FLNC: variants seen among roughly 807,000 people sequenced by gnomAD.
FLNC encodes the protein filamin C.
FLNC carries 91 observed loss-of-function variants against 254.3 expected under a neutral mutation model. The observed-to-expected ratio is 0.36, with a 90% confidence interval of 0.30 to 0.43. The LOEUF is 0.43. Ranked by LOEUF, FLNC falls within the 20% of genes least tolerant of loss-of-function variation. The pLI is 1.00. For synonymous variants in FLNC, 1,430 were observed against 1,577.2 expected (o/e 0.91, Z 2.21); for missense variants, 2,853 against 3,802.6 (o/e 0.75, Z 6.57).
At position 128,846,105 on chromosome 7, in the gene FLNC, C is replaced by T; in HGVS notation, c.3906C>T (p.Thr1302=). The stretch of plus-strand genomic sequence containing the variant: ...ACCCCTCGGGGGCCAAGACAGACAC[C>T]TATGTGACAGACAATGGGGACGGCA... ...VLNPSGAKTD[T]YVTDNGDGTY... Residue 1302 remains threonine, a synonymous_variant, in exon 22 of 48, where the codon ACC becomes ACT. Transcript: ENST00000325888. 6.2e-7 allele frequency: 1 copy of T among 1,613,998 alleles called. No individual in the cohort carries two copies. The highest frequency in any genetic ancestry group is 8.5e-7 in the Non-Finnish European group (1 of 1,180,004).
chr7:128,840,123 C>T lies in FLNC; in HGVS notation c.1512C>T (p.Ala504=), dbSNP rs768868050. Reference sequence around the variant, plus strand: ...ACTTCAAGGTGTTTACCAAGGGTGCCGGCAGCGGGGAGCTCAAGGTCACGG... The same window carrying T: ...ACTTCAAGGTGTTTACCAAGGGTGCTGGCAGCGGGGAGCTCAAGGTCACGG... ...VADFKVFTKG[A]GSGELKVTVK... Residue 504 remains alanine (A), a synonymous_variant, in exon 9 of 48, where the codon GCC becomes GCT. Transcript: ENST00000325888. The T allele has an allele frequency of 8.7e-6, 14 of 1,613,950 alleles. No individual in the cohort carries two copies. The highest frequency in any genetic ancestry group is 1.2e-5 in the Non-Finnish European group (14 of 1,180,034).
At position 128,840,581 on chromosome 7, in the gene FLNC, C is replaced by T; in HGVS notation, c.1583C>T (p.Ala528Val). The T allele has an allele frequency of 6.2e-7, 1 of 1,614,202 alleles. No homozygotes were observed. Among genetic ancestry groups the T allele is most frequent in the Non-Finnish European group, 8.5e-7 (1 of 1,180,032 alleles). Residue 528 changes from alanine (A) to valine (V), a missense_variant, in exon 10 of 48, where the codon GCT (alanine) becomes GTT (valine). This residue lies in a region of FLNC where 1,573 missense variants were observed against 1,883.5 expected (regional missense o/e 0.84). Coordinates refer to ENST00000325888, the MANE Select transcript of FLNC (RefSeq NM_001458.5). Reference sequence around the variant, plus strand: ...GAGGAGCCAGTGAAGGTGCGGGAGGCTGGGGATGGTGTGTTCGAGTGCGAG... The same window carrying T: ...GAGGAGCCAGTGAAGGTGCGGGAGGTTGGGGATGGTGTGTTCGAGTGCGAG... ...GTEEPVKVRE[A>V]GDGVFECEYY... is the part of the protein sequence containing the mutation.
chr7:128,844,550 C>CA (rs1325263039), intron 20 of FLNC, 108 bp from the exon 21 acceptor site: 1 of 1,095,786 alleles, frequency 9.1e-7, no homozygotes, highest in African/African-American at 1.5e-5. Context: ...TATAAGCACT[C>CA]AGTCCACAGT....
In FLNC at chr7:128,840,046, G is replaced by A. The variant is rs772697482; in HGVS notation, c.1435G>A (p.Ala479Thr). 1.9e-5 allele frequency: 31 copies of A among 1,613,830 alleles called. No individual in the cohort carries two copies. Among genetic ancestry groups the A allele is most frequent in the South Asian group, 1.5e-4 (14 of 91,088 alleles). ...SEACNPNACR[A>T]SGRGLQPKGV... ...AGCCTGTAACCCCAACGCCTGCCGC[G>A]CCTCTGGGCGAGGCCTGCAGCCCAA... Residue 479 changes from alanine (A) to threonine (T), a missense_variant, in exon 9 of 48, where the codon GCC becomes ACC. Ala to Thr is a moderately conservative substitution (Grantham distance 58). Transcript: ENST00000325888.
chr7:128,837,214 G>A lies in FLNC; in HGVS notation c.656G>A (p.Arg219Gln), dbSNP rs570928058. The change falls in exon 3 of 48, where the codon CGG becomes CAG. Residue 219 changes from arginine to glutamine, a missense_variant. This residue lies in a region of FLNC where 115 missense variants were observed against 230.3 expected (regional missense o/e 0.50). Coordinates refer to ENST00000325888, the MANE Select transcript of FLNC (RefSeq NM_001458.5). ...CCCAACCAGCCCGTGGAGAACGCCCGGGAGGCCATGCAGCAGGCCGACGAC... is the reference window on the plus strand; with the variant it reads ...CCCAACCAGCCCGTGGAGAACGCCCAGGAGGCCATGCAGCAGGCCGACGAC... ...WDPNQPVENA[R>Q]EAMQQADDWL... The A allele has an allele frequency of 6.9e-6, 11 of 1,601,474 alleles. No homozygotes were observed. The highest frequency in any genetic ancestry group is 4.5e-5 in the South Asian group (4 of 88,672).
At position 128,830,694 on chromosome 7, in the gene FLNC, C is replaced by A. The variant is rs754468596; in HGVS notation, c.57C>A (p.Asp19Glu). Residue 19 changes from aspartate (D) to glutamate (E), a missense_variant, in exon 1 of 48, where the codon GAC becomes GAA. By Grantham distance (45) the Asp-to-Glu change is conservative. Coordinates refer to ENST00000325888, the MANE Select transcript of FLNC (RefSeq NM_001458.5). ...DAGLGLGDETDEMPSTEKDLA... is the reference protein window; with the variant it reads ...DAGLGLGDETEEMPSTEKDLA... ...GCCTCGGCCTGGGCGATGAGACAGA[C>A]GAGATGCCGTCCACGGAGAAGGACC... The A allele has an allele frequency of 6.2e-7, 1 of 1,612,868 alleles. No individual in the cohort carries two copies. Among genetic ancestry groups the A allele is most frequent in the South Asian group, 1.1e-5 (1 of 91,084 alleles).
chr7:128,834,648 T>G (rs1232721614), intron 1 of FLNC, among the ~76,000 whole-genome samples: 2 of 151,960 alleles, frequency 1.3e-5, no homozygotes, highest in Non-Finnish European at 2.9e-5. Flanking sequence ...TGTAGAAAGA[T>G]AAAACCTAGT....
intron 29 of FLNC, 62 bp from the exon 30 acceptor site, chr7:128,849,269 C>T (rs536823948): frequency 3.6e-5 from 58 of 1,614,000 alleles, no homozygotes; most frequent in African/African-American, 5.3e-5. Flanking sequence ...GGGCGGGCAG[C>T]GGGAACAGAG....
rs190544101 is a variant in FLNC, at chr7:128,835,799, C to T, written c.601+225C>T. Among the ~76,000 whole-genome samples, 1 of 152,174 alleles carries T rather than the reference C, an allele frequency of 6.6e-6. No homozygotes were observed. Among genetic ancestry groups the T allele is most frequent in the African/African-American group, 2.4e-5 (1 of 41,424 alleles). ...CGCAGAGGCAGGAAGAGGTTTAAAA[C>T]CCCTCATTTTACAGACAAGGACACT... On this transcript the variant is annotated intron_variant, in intron 2 of 47. Transcript: ENST00000325888. The surrounding 1 kb of genome is among the most constrained non-coding windows in gnomAD (Gnocchi z 5.3).
Position 128,850,485 on chromosome 7 carries a change from T to TA in FLNC, c.5398+3dup, listed in dbSNP as rs1808761814. 1 of 1,608,322 alleles carries TA rather than the reference T, an allele frequency of 6.2e-7. No individual in the cohort carries two copies. Among genetic ancestry groups the TA allele is most frequent in the African/African-American group, 1.3e-5 (1 of 74,820 alleles). ...CGGTGCAGAAAGGGGAGCTCACAGG[T>TA]ACTGCCCTGTGGCTCCCAGGCATGA... On this transcript the variant is annotated splice_region_variant and intron_variant, in intron 32 of 47. Coordinates refer to ENST00000325888, the MANE Select transcript of FLNC (RefSeq NM_001458.5).
At position 128,853,026 on chromosome 7, in the gene FLNC, A is replaced by G. The variant is rs746724687; in HGVS notation, c.6203A>G (p.Asn2068Ser). The change falls in exon 37 of 48, where the codon AAT becomes AGT. Residue 2068 changes from asparagine to serine, a missense_variant. Transcript: ENST00000325888. The stretch of plus-strand genomic sequence containing the variant: ...GCAGAGTTCATCGTGGACACTCGCA[A>G]TGCAGGTACCTCCTGCCCCAGAGAG... ...QVAEFIVDTR[N>S]AGYGGLGLSI... 8.1e-6 allele frequency: 13 copies of G among 1,613,086 alleles called. 1 individual carries two copies. The South Asian group carries it at 1.4e-4, about 18-fold the overall frequency.
chr7:128,852,901 C>A lies in FLNC; in HGVS notation c.6078C>A (p.Asn2026Lys). Residue 2026 changes from asparagine (N) to lysine (K), a missense_variant, in exon 37 of 48, where the codon AAC (asparagine) becomes AAA (lysine). Physicochemically the swap from Asn to Lys is moderately conservative, Grantham distance 94 (BLOSUM62 0). Coordinates refer to ENST00000325888, the MANE Select transcript of FLNC (RefSeq NM_001458.5). ...SVRKSGKHVT[N>K]SPFKILVGPS... The stretch of plus-strand genomic sequence containing the variant: ...GCAAGAGTGGCAAGCATGTCACCAA[C>A]AGCCCCTTCAAGATCCTGGTGGGGC... 6 of 1,613,722 alleles carry A rather than the reference C, an allele frequency of 3.7e-6. No homozygotes were observed. Among genetic ancestry groups the A allele is most frequent in the Non-Finnish European group, 5.1e-6 (6 of 1,180,020 alleles).
Position 128,842,785 on chromosome 7 carries a change from T to C in FLNC, c.2390-9T>C, listed in dbSNP as rs368068407. 4,162 of 1,613,210 alleles carry C rather than the reference T, an allele frequency of 2.6e-3. 15 individuals are homozygous for C. The highest frequency in any genetic ancestry group is 4.9e-3 in the South Asian group (443 of 91,050). On this transcript the variant is annotated splice_polypyrimidine_tract_variant and intron_variant, in intron 15 of 47. Transcript: ENST00000325888. The surrounding 1 kb of genome is among the most constrained non-coding windows in gnomAD (Gnocchi z 5.4). ...AGCCCAACTCACAGCAGTGCCCGCT[T>C]CTCTGCAGGCGACGTGAGCATCGGC...
intron 24 of FLNC, 86 bp from the exon 25 acceptor site, chr7:128,847,611 G>A (rs982362029): frequency 2.6e-5 from 40 of 1,531,380 alleles, no homozygotes; most frequent in Non-Finnish European, 3.2e-5. Flanking sequence ...TTCAAAGGCA[G>A]GGAAGGCCTC....
In FLNC at chr7:128,845,548, G is replaced by A. The variant is rs188993741; in HGVS notation, c.3790+293G>A. Among the ~76,000 whole-genome samples the A allele has an allele frequency of 3.0e-4, 46 of 152,266 alleles. No homozygotes were observed. In the East Asian group the frequency reaches 7.7e-3, roughly 26 times the overall value. ...CTTAAGGGGTACCCTGATCCAAAAA[G>A]CTAAAACTCTGCTCTGGACGGGGGC... On this transcript the variant is annotated intron_variant, in intron 21 of 47. Coordinates refer to ENST00000325888, the MANE Select transcript of FLNC (RefSeq NM_001458.5).
Position 128,837,768 on chromosome 7 carries a change from C to T in FLNC, c.969+13C>T, listed in dbSNP as rs774847804. On this transcript the variant is annotated intron_variant, in intron 5 of 47. Coordinates refer to ENST00000325888, the MANE Select transcript of FLNC (RefSeq NM_001458.5). ...CCACACCGAGGAGGTATGCAGAGGC[C>T]GCTGGGGACAGAGGGATTCACTTGG... 5.8e-6 allele frequency: 9 copies of T among 1,558,860 alleles called. No homozygotes were observed. The highest frequency in any genetic ancestry group is 3.5e-5 in the South Asian group (3 of 86,406).
rs369387744 is a variant in FLNC, at chr7:128,841,280, G to A, written c.1924G>A (p.Val642Ile). 111 of 1,613,964 alleles carry A rather than the reference G, an allele frequency of 6.9e-5. No individual in the cohort carries two copies. Among genetic ancestry groups the A allele is most frequent in the African/African-American group, 5.6e-4 (42 of 74,898 alleles). The change falls in exon 12 of 48, where the codon GTC (valine) becomes ATC (isoleucine). Residue 642 changes from valine (V) to isoleucine (I), a missense_variant. Coordinates refer to ENST00000325888, the MANE Select transcript of FLNC (RefSeq NM_001458.5). The surrounding 1 kb of genome is among the most constrained non-coding windows in gnomAD (Gnocchi z 4.3). ...GGAGCCTGGGGAGTACGCTGTGCAC[G>A]TCATCTGTGACGATGAGGACATCCG... ...PTEPGEYAVH[V>I]ICDDEDIRDS...
chr7:128,835,432 T>TGAG lies in FLNC; in HGVS notation c.462_464dup (p.Glu154dup), dbSNP rs1562991053. The TGAG allele has an allele frequency of 1.9e-6, 3 of 1,613,966 alleles. No individual in the cohort carries two copies. Among genetic ancestry groups the TGAG allele is most frequent in the Non-Finnish European group, 2.5e-6 (3 of 1,180,034 alleles). On this transcript the variant is annotated inframe_insertion, in exon 2 of 48. Coordinates refer to ENST00000325888, the MANE Select transcript of FLNC (RefSeq NM_001458.5). This position sits in a 1 kb window ranked among gnomAD's most constrained non-coding sequence, Gnocchi z 5.3. ...TGCCCATGTGGGAGGATGAAGATGA[T>TGAG]GAGGATGCCCGCAAACAGACGCCCA...
chr7:128,842,180 G>A lies in FLNC; in HGVS notation c.2122-51G>A, dbSNP rs747888063. The A allele has an allele frequency of 1.3e-6, 2 of 1,594,300 alleles. No homozygotes were observed. The highest frequency in any genetic ancestry group is 2.2e-5 in the South Asian group (2 of 89,914). On this transcript the variant is annotated intron_variant, in intron 13 of 47. Transcript: ENST00000325888. This position sits in a 1 kb window ranked among gnomAD's most constrained non-coding sequence, Gnocchi z 5.4. ...CTGGGTTCACCTGCGGCCAGCAGAG[G>A]GCGCTCTGCAGAGGCCACAGCTATG...
Sources: allele counts gnomAD v4.1 joint callset (sites outside exome capture counted in the v4.1 genomes callset), GRCh38; gene constraint gnomAD v4.1.1; regional missense constraint gnomAD v4.1.1; non-coding constraint Gnocchi (gnomAD v3.1); transcripts MANE v1.5; gene names NCBI Gene and HGNC (gene_info 2026-07-23, HGNC 2026-07-21).